The following LIFR variants were observed in gnomAD, a reference collection of about 807,000 sequenced individuals.
The protein encoded by LIFR is leukemia inhibitory factor receptor.
Under a neutral mutation model 122.2 loss-of-function variants are expected in LIFR, and 84 were observed. The ratio of observed to expected loss-of-function variants is 0.69; its 90% confidence interval spans 0.58 to 0.82. LIFR has a LOEUF of 0.82. Ranked by LOEUF, LIFR falls within the 40% of genes least tolerant of loss-of-function variation. The pLI is 0.00. For missense variants in LIFR, 1,294 were observed against 1,311.6 expected (o/e 0.99, Z 0.21); for synonymous variants, 422 against 434.7 (o/e 0.97, Z 0.36).
chr5:38,497,539 T>C (rs373882215), intron 12 of LIFR, among the ~76,000 whole-genome samples: 1 of 152,228 alleles, frequency 6.6e-6, no homozygotes, highest in African/African-American at 2.4e-5. Flanking sequence ...AAAAATAGCA[T>C]CATGGGTTTT....
At chr5:38,536,594 C>G (rs74900019) in intron 1 of LIFR, among the ~76,000 whole-genome samples, 1 of 152,120 alleles carries the variant, frequency 6.6e-6, no homozygotes. Flanking sequence ...AGTGGATACA[C>G]GTTATTTCTT....
chr5:38,585,894 T>C lies in LIFR; in HGVS notation c.-20+9367A>G, dbSNP rs183999056. 5.2e-3 allele frequency among the ~76,000 whole-genome samples: 788 copies of C among 152,256 alleles called. 2 individuals carry two copies. The highest frequency in any genetic ancestry group is 7.3e-3 in the Non-Finnish European group (497 of 68,010). On this transcript the variant is annotated intron_variant, in intron 1 of 19. Coordinates refer to the LIFR transcript ENST00000263409. ...AAGTTGCCAGAAATGACCTGTCACA[T>C]CTTCTCTTCTTCATCCACTCCCCAC...
In LIFR at chr5:38,481,553, GAGCT is replaced by G; in HGVS notation, c.*38_*41del. On this transcript the variant is annotated 3_prime_UTR_variant, in exon 20 of 20. Coordinates refer to ENST00000453190, the MANE Select transcript of LIFR (RefSeq NM_001127671.2). ...GCTGATGTAGCAACACTAGCAGTAA[GAGCT>G]TATTGAGATGGCTGACTGAAGTGAC... 6.2e-7 allele frequency: 1 copy of G among 1,609,202 alleles called. No individual in the cohort carries two copies. Among genetic ancestry groups the G allele is most frequent in the Non-Finnish European group, 8.5e-7 (1 of 1,175,626 alleles).
intron 1 of LIFR, among the ~76,000 whole-genome samples, chr5:38,533,724 A>C (rs1458165377): frequency 2.0e-5 from 3 of 152,152 alleles, no homozygotes; most frequent in African/African-American, 7.2e-5. Context: ...GGGGACAGGT[A>C]GGTAGAGACA....
At chr5:38,601,521 C>T (rs571078168) in intron 2 of LIFR, among the ~76,000 whole-genome samples, 66 of 152,272 alleles carry the variant, frequency 4.3e-4, no homozygotes, top group East Asian at 2.1e-3. Context: ...CCTGAGTTCC[C>T]GCCATGGCAT....
Position 38,552,059 on chromosome 5 carries a change from G to A in LIFR, c.-20+4275C>T, listed in dbSNP as rs373194410. The stretch of plus-strand genomic sequence containing the variant: ...TACTATATCAGGACAAAAGGACACA[G>A]GCTTCTTTACTGAAGACTGAGGACC... On this transcript the variant is annotated intron_variant, in intron 1 of 19. Transcript: ENST00000453190. Among the ~76,000 whole-genome samples the A allele has an allele frequency of 1.4e-4, 22 of 152,256 alleles. 1 individual carries two copies. In the East Asian group the frequency reaches 1.9e-3, roughly 13 times the overall value.
chr5:38,568,024 T>C (rs1039764969), intron 1 of LIFR, among the ~76,000 whole-genome samples: 1 of 152,194 alleles, frequency 6.6e-6, no homozygotes, highest in Non-Finnish European at 1.5e-5. Flanking sequence ...TGAACTGATA[T>C]TTTCTGCTGA....
chr5:38,593,710 G>A (rs1460320693), intron 1 of LIFR, among the ~76,000 whole-genome samples: 1 of 152,186 alleles, frequency 6.6e-6, no homozygotes. Context: ...GGGCCTTGGG[G>A]AAGTGATTAG....
intron 5 of LIFR, 91 bp downstream of exon 5, chr5:38,523,328 C>T: frequency 1.9e-6 from 2 of 1,039,770 alleles, no homozygotes; most frequent in Non-Finnish European, 2.9e-6. Context: ...CTAAATAATC[C>T]AAAAGTTCAC....
intron 1 of LIFR, among the ~76,000 whole-genome samples, chr5:38,586,066 G>T (rs2112751400): frequency 6.6e-6 from 1 of 152,190 alleles, no homozygotes; most frequent in African/African-American, 2.4e-5. Context: ...CACTTCCCCA[G>T]CCACTGAGAC....
intron 2 of LIFR, among the ~76,000 whole-genome samples, chr5:38,604,181 A>C (rs1750277641): frequency 6.6e-6 from 1 of 152,190 alleles, no homozygotes; most frequent in African/African-American, 2.4e-5. Flanking sequence ...CATTTTCTGC[A>C]GTGGCTGAGG....
chr5:38,555,647 C>A (rs1561205523), intron 1 of LIFR, among the ~76,000 whole-genome samples: 1 of 144,836 alleles, frequency 6.9e-6, no homozygotes, highest in Non-Finnish European at 1.5e-5. Context: ...ATTAAACATT[C>A]AAAAAGGAAC....
chr5:38,547,318 T>C (rs1157256325), intron 1 of LIFR, among the ~76,000 whole-genome samples: 1 of 152,178 alleles, frequency 6.6e-6, no homozygotes, highest in Non-Finnish European at 1.5e-5. Flanking sequence ...ATAACTCTCC[T>C]AAATTTGTTC....
Position 38,481,554 on chromosome 5 carries a change from A to T in LIFR, c.*41T>A. 1 of 1,609,256 alleles carries T rather than the reference A, an allele frequency of 6.2e-7. No individual in the cohort carries two copies. The highest frequency in any genetic ancestry group is 8.5e-7 in the Non-Finnish European group (1 of 1,175,612). ...CTGATGTAGCAACACTAGCAGTAAG[A>T]GCTTATTGAGATGGCTGACTGAAGT... On this transcript the variant is annotated 3_prime_UTR_variant, in exon 20 of 20. Transcript: ENST00000453190.
At chr5:38,506,972 C>A (rs147499309) in intron 7 of LIFR, among the ~76,000 whole-genome samples, 2 of 152,052 alleles carry the variant, frequency 1.3e-5, no homozygotes, top group Non-Finnish European at 2.9e-5. Flanking sequence ...AATATGTTGT[C>A]AGAGAAATCT....
chr5:38,500,626 G>GT (rs2112448380), intron 11 of LIFR, among the ~76,000 whole-genome samples: 1 of 152,280 alleles, frequency 6.6e-6, no homozygotes, highest in African/African-American at 2.4e-5. Flanking sequence ...TTCAGATTAC[G>GT]TATGTTCAAT....
Position 38,475,398 on chromosome 5 carries a change from G to A in LIFR, c.*6197C>T. On this transcript the variant is annotated 3_prime_UTR_variant, in exon 20 of 20. Coordinates refer to ENST00000453190, the MANE Select transcript of LIFR (RefSeq NM_001127671.2). The stretch of plus-strand genomic sequence containing the variant: ...AATGTTTCCTTATACGATTAAACAT[G>A]ATTTTAGGTACAGCACATCACAACT... The A allele has an allele frequency of 5.1e-6, 1 of 197,214 alleles. No homozygotes were observed. Among genetic ancestry groups the A allele is most frequent in the Non-Finnish European group, 1.1e-5 (1 of 94,946 alleles). The allele number at this position is 197,214 out of a possible 1,614,324, so 12.2% of individuals were successfully genotyped here. A position where few individuals can be genotyped will look rare whatever the true frequency, so the allele number is the denominator to read the frequency against.
chr5:38,514,464 TA>T (rs1745969361), intron 5 of LIFR, among the ~76,000 whole-genome samples: 1 of 152,228 alleles, frequency 6.6e-6, no homozygotes, highest in Admixed American at 6.5e-5. Context: ...ATAAATGTGG[TA>T]TCTCCATGTA....
intron 13 of LIFR, among the ~76,000 whole-genome samples, chr5:38,494,120 T>C (rs1057014186): frequency 2.0e-5 from 3 of 151,410 alleles, no homozygotes; most frequent in African/African-American, 7.3e-5. Context: ...TGGGACAGGG[T>C]GGGAGAGGGA....
Sources: gnomAD v4.1 joint callset for allele counts (sites outside exome capture counted in the v4.1 genomes callset) on GRCh38, gnomAD v4.1.1 for gene constraint, MANE v1.5 for transcripts, NCBI Gene and HGNC (gene_info 2026-07-23, HGNC 2026-07-21) for gene names.